The following KCNT2 variants were observed in gnomAD, a reference collection of about 807,000 sequenced individuals.
KCNT2 encodes the protein potassium sodium-activated channel subfamily T member 2.
KCNT2 carries 67 observed loss-of-function variants against 153.8 expected under a neutral mutation model. The observed-to-expected ratio is 0.44, with a 90% CI of 0.36 to 0.53. KCNT2 has a LOEUF of 0.53. Ranked by LOEUF, KCNT2 falls within the 20% of genes least tolerant of loss-of-function variation. The probability of loss-of-function intolerance (pLI) is 0.00; values close to 1 mark genes in which losing one functional copy is unlikely to be tolerated. For synonymous variants in KCNT2, 500 were observed against 458.8 expected, an observed-to-expected ratio of 1.09 and a Z score of -1.15; for missense variants, 975 against 1,354.8, an observed-to-expected ratio of 0.72 and a Z score of 4.40.
chr1:196,333,811 C>G (rs1005515507), intron 17 of KCNT2, 36 bp downstream of exon 17: 1 of 1,300,568 alleles, frequency 7.7e-7, no homozygotes, highest in African/African-American at 1.5e-5. Flanking sequence ...TAGCACAAAA[C>G]CCAGTAATCT....
intron 14 of KCNT2, among the ~76,000 whole-genome samples, chr1:196,357,525 T>G (rs1160534972): frequency 6.6e-6 from 1 of 151,912 alleles, no homozygotes; most frequent in Non-Finnish European, 1.5e-5. Context: ...GGACCCCTTT[T>G]CAGTGGTAAA....
At chr1:196,389,747 A>G (rs529206654) in intron 13 of KCNT2, among the ~76,000 whole-genome samples, 11 of 151,792 alleles carry the variant, frequency 7.2e-5, no homozygotes, top group African/African-American at 2.4e-4. Context: ...GGTTTGTGTC[A>G]CTGTAAATTG....
chr1:196,320,141 C>G (rs1209086098), intron 19 of KCNT2, among the ~76,000 whole-genome samples: 1 of 151,510 alleles, frequency 6.6e-6, no homozygotes, highest in Non-Finnish European at 1.5e-5. Context: ...TTGATATACT[C>G]TCTATATATT....
intron 1 of KCNT2, among the ~76,000 whole-genome samples, chr1:196,494,908 A>G (rs1680136699): frequency 6.6e-6 from 1 of 152,082 alleles, no homozygotes; most frequent in South Asian, 2.1e-4. Flanking sequence ...ATGGCCATCA[A>G]TGTGGAGAGC....
intron 6 of KCNT2, among the ~76,000 whole-genome samples, chr1:196,468,127 G>T (rs1438003511): frequency 6.6e-6 from 1 of 152,016 alleles, no homozygotes; most frequent in Non-Finnish European, 1.5e-5. Context: ...TATTAAGTAG[G>T]AACAAAGAGG....
chr1:196,432,105 G>T (rs1017289165), intron 8 of KCNT2, among the ~76,000 whole-genome samples: 1 of 152,092 alleles, frequency 6.6e-6, no homozygotes, highest in East Asian at 1.9e-4. Flanking sequence ...GCTACCCCAA[G>T]TGCTGGTCAA....
intron 16 of KCNT2, among the ~76,000 whole-genome samples, chr1:196,339,520 C>CACACAGAG (rs1005738965): frequency 0.044 from 6,035 of 137,856 alleles, 175 homozygotes; most frequent in Non-Finnish European, 0.065. Context: ...CACACACACA[C>CACACAGAG]AGAGAGAGAG....
intron 1 of KCNT2, among the ~76,000 whole-genome samples, chr1:196,585,904 T>A (rs920282544): frequency 2.7e-4 from 41 of 152,084 alleles, no homozygotes; most frequent in Non-Finnish European, 1.5e-5. Context: ...TAAACATAAA[T>A]GAAACTTTTT....
intron 14 of KCNT2, among the ~76,000 whole-genome samples, chr1:196,360,227 T>C (rs1030445157): frequency 1.3e-5 from 2 of 152,086 alleles, no homozygotes; most frequent in Non-Finnish European, 2.9e-5. Context: ...ATTACTATTA[T>C]TTTCTTTTCC....
intron 14 of KCNT2, among the ~76,000 whole-genome samples, chr1:196,346,061 T>A (rs1469602024): frequency 6.6e-6 from 1 of 152,140 alleles, no homozygotes; most frequent in Admixed American, 6.6e-5. Context: ...ACTAGGTACA[T>A]GGGTGTTCAT....
intron 20 of KCNT2, among the ~76,000 whole-genome samples, chr1:196,317,444 GAA>G (rs1389110062): frequency 6.6e-6 from 1 of 151,514 alleles, no homozygotes; most frequent in Non-Finnish European, 1.5e-5. Flanking sequence ...CATTAAAAAA[GAA>G]AGAGTTAGAT....
chr1:196,431,070 G>T, intron 8 of KCNT2, among the ~76,000 whole-genome samples: 1 of 152,074 alleles, frequency 6.6e-6, no homozygotes, highest in East Asian at 1.9e-4. Flanking sequence ...TCTGCCTTCT[G>T]CCATGTGAAG....
chr1:196,600,860 T>C (rs557166347), intron 1 of KCNT2, among the ~76,000 whole-genome samples: 109 of 152,286 alleles, frequency 7.2e-4, no homozygotes, highest in South Asian at 2.5e-3. Flanking sequence ...TAGGCAGAAA[T>C]CTCAAGATGA....
chr1:196,429,684 C>T lies in KCNT2; in HGVS notation c.712G>A (p.Val238Met). 1 of 1,612,808 alleles carries T rather than the reference C, an allele frequency of 6.2e-7. No individual in the cohort carries two copies. The highest frequency in any genetic ancestry group is 8.5e-7 in the Non-Finnish European group (1 of 1,179,288). Residue 238 changes from valine to methionine, a missense_variant, in exon 9 of 28, where the codon GTG becomes ATG. By Grantham distance (21) the Val-to-Met change is conservative. This residue lies in a region of KCNT2 where 202 missense variants were observed against 314.9 expected (regional missense o/e 0.64). Transcript: ENST00000294725. ...NLFDSLYFCI[V>M]TFSTVGFGDV... ...CCGAAGCCCACAGTAGAAAACGTCA[C>T]AATGCAGAAATAAAGGGAGTCAAAG...
chr1:196,604,070 T>A (rs1665044228), intron 1 of KCNT2, among the ~76,000 whole-genome samples: 1 of 152,250 alleles, frequency 6.6e-6, no homozygotes, highest in African/African-American at 2.4e-5. Flanking sequence ...GATGGCTTGG[T>A]GCCAGAAGTT....
At chr1:196,273,614 T>G in intron 25 of KCNT2, 2 of 597,868 alleles carry the variant, frequency 3.3e-6, no homozygotes, top group Admixed American at 2.8e-5. Context: ...CAAAATCCAA[T>G]TGCATGCATA....
At chr1:196,509,666 A>T (rs747640057) in intron 1 of KCNT2, among the ~76,000 whole-genome samples, 6 of 152,176 alleles carry the variant, frequency 3.9e-5, no homozygotes, top group Non-Finnish European at 8.8e-5. Flanking sequence ...CCAGAGTTAG[A>T]CTTCATTTAT....
intron 12 of KCNT2, among the ~76,000 whole-genome samples, chr1:196,418,440 G>A (rs930155591): frequency 3.9e-5 from 6 of 151,922 alleles, no homozygotes; most frequent in East Asian, 1.9e-4. Flanking sequence ...AACTCCAGCC[G>A]GGGCAAGAAA....
intron 1 of KCNT2, among the ~76,000 whole-genome samples, chr1:196,575,077 T>C (rs1661200182): frequency 6.6e-6 from 1 of 152,126 alleles, no homozygotes; most frequent in African/African-American, 2.4e-5. Context: ...GGGAGAGTTT[T>C]AGAAGTGAAA....
Sources: allele counts gnomAD v4.1 joint callset (sites outside exome capture counted in the v4.1 genomes callset), GRCh38; gene constraint gnomAD v4.1.1; regional missense constraint gnomAD v4.1.1; transcripts MANE v1.5; gene names NCBI Gene and HGNC (gene_info 2026-07-23, HGNC 2026-07-21).